The following NTM variants were observed in gnomAD, a reference collection of about 807,000 sequenced individuals.
NTM encodes neurotrimin, also known as IgLON family member 2.
In NTM, 13 loss-of-function variants were observed where a neutral mutation model predicts 42.1. The ratio of observed to expected loss-of-function variants is 0.31; its 90% CI spans 0.20 to 0.49. NTM has a LOEUF of 0.49. NTM is among the 20% of genes least tolerant of loss of function. The pLI, the probability that NTM is intolerant of heterozygous loss-of-function variation, is 0.99. For synonymous variants in NTM, 187 were observed against 179.2 expected (o/e 1.04, Z -0.35); for missense variants, 373 against 452.8 (o/e 0.82, Z 1.60).
chr11:131,455,406 C>T (rs1950802678), intron 1 of NTM: 1 of 152,278 alleles, frequency 6.6e-6, no homozygotes, highest in African/African-American at 2.4e-5. Flanking sequence ...CAAGTTCTGG[C>T]TTCAAGCGCT....
intron 2 of NTM, among the ~76,000 whole-genome samples, chr11:132,023,933 C>T (rs1281153006): frequency 6.6e-6 from 1 of 151,970 alleles, no homozygotes; most frequent in Non-Finnish European, 1.5e-5. Context: ...ATTCTCCTGC[C>T]TCAGCCTCCC....
At chr11:131,878,398 C>A (rs2048845425) in intron 1 of NTM, among the ~76,000 whole-genome samples, 1 of 150,884 alleles carries the variant, frequency 6.6e-6, no homozygotes, top group South Asian at 2.1e-4. Flanking sequence ...TGGTGAAACA[C>A]CGTCTGTATT....
chr11:131,683,252 G>A (rs1195103983), intron 1 of NTM, among the ~76,000 whole-genome samples: 1 of 152,216 alleles, frequency 6.6e-6, no homozygotes, highest in East Asian at 1.9e-4. Flanking sequence ...CCCTGGCTTT[G>A]TTTCTCTGGT....
At chr11:131,960,188 A>G (rs1264422870) in intron 2 of NTM, among the ~76,000 whole-genome samples, 1 of 152,172 alleles carries the variant, frequency 6.6e-6, no homozygotes, top group East Asian at 1.9e-4. Context: ...CAAGAAGTAC[A>G]AGCTCGAGGG....
chr11:132,240,244 C>G (rs1486815465), intron 4 of NTM, among the ~76,000 whole-genome samples: 1 of 152,200 alleles, frequency 6.6e-6, no homozygotes, highest in African/African-American at 2.4e-5. Flanking sequence ...TTTTGTGATA[C>G]CATTTGGTGG....
chr11:131,589,920 T>G (rs1232158867), intron 1 of NTM, among the ~76,000 whole-genome samples: 1 of 152,144 alleles, frequency 6.6e-6, no homozygotes, highest in Non-Finnish European at 1.5e-5. Flanking sequence ...AGAATATTTC[T>G]TCTGCGCTAA....
chr11:131,972,695 T>C (rs2063733621), intron 2 of NTM, among the ~76,000 whole-genome samples: 1 of 152,218 alleles, frequency 6.6e-6, no homozygotes, highest in African/African-American at 2.4e-5. Flanking sequence ...CCCCGCATAA[T>C]GTGGCTCTCT....
chr11:132,102,247 CT>C (rs1225562631), intron 2 of NTM, among the ~76,000 whole-genome samples: 1 of 152,194 alleles, frequency 6.6e-6, no homozygotes, highest in Non-Finnish European at 1.5e-5. Context: ...TATACATATA[CT>C]TTTTTATGCA....
At chr11:131,607,105 G>C (rs1162917066) in intron 1 of NTM, among the ~76,000 whole-genome samples, 1 of 152,198 alleles carries the variant, frequency 6.6e-6, no homozygotes, top group African/African-American at 2.4e-5. Flanking sequence ...GATAGCTTTT[G>C]AGCAGCTAAA....
intron 1 of NTM, among the ~76,000 whole-genome samples, chr11:131,429,252 G>A (rs1016900594): frequency 6.6e-6 from 1 of 152,158 alleles, no homozygotes; most frequent in African/African-American, 2.4e-5. Context: ...TGCCAAGGGA[G>A]GGGGTAGCTG....
chr11:131,873,652 CACATATATATACACAT>C (rs576128194), intron 1 of NTM, among the ~76,000 whole-genome samples: 6,846 of 120,868 alleles, frequency 0.057, 381 homozygotes, highest in Non-Finnish European at 0.072. Context: ...TATATATACA[CACATATATATACACAT>C]ATATATATAC....
chr11:131,732,209 A>G (rs2079790080), intron 1 of NTM, among the ~76,000 whole-genome samples: 1 of 152,230 alleles, frequency 6.6e-6, no homozygotes, highest in African/African-American at 2.4e-5. Flanking sequence ...GTTACTTACT[A>G]ACCCAATTTG....
At chr11:132,051,092 C>T (rs1184525288) in intron 2 of NTM, among the ~76,000 whole-genome samples, 2 of 152,178 alleles carry the variant, frequency 1.3e-5, no homozygotes, top group African/African-American at 4.8e-5. Flanking sequence ...AGATACATGT[C>T]AGTTTGAATT....
chr11:131,886,899 C>T (rs555448037), intron 1 of NTM, among the ~76,000 whole-genome samples: 2 of 152,194 alleles, frequency 1.3e-5, no homozygotes, highest in African/African-American at 2.4e-5. Flanking sequence ...GCCTACTGTG[C>T]GTTAGGCACT....
chr11:131,669,299 G>A (rs1325745406), intron 1 of NTM, among the ~76,000 whole-genome samples: 1 of 152,184 alleles, frequency 6.6e-6, no homozygotes, highest in Non-Finnish European at 1.5e-5. Flanking sequence ...TCAGGCTCTG[G>A]AATCAGCCAA....
chr11:131,561,942 AAG>A (rs2056286086), intron 1 of NTM, among the ~76,000 whole-genome samples: 1 of 152,242 alleles, frequency 6.6e-6, no homozygotes, highest in African/African-American at 2.4e-5. Context: ...GTCCTATTTA[AAG>A]AGAGAAGAGG....
intron 4 of NTM, among the ~76,000 whole-genome samples, chr11:132,287,199 G>T (rs1017106173): frequency 2.0e-5 from 3 of 152,208 alleles, no homozygotes; most frequent in Non-Finnish European, 4.4e-5. Context: ...CCTGGTGGGT[G>T]TAAAGCTGAG....
At chr11:131,789,518 GAAGAAGAAGAAGAAGAAGAAGAAGAA>G (rs2090179417) in intron 1 of NTM, among the ~76,000 whole-genome samples, 2 of 18,684 alleles carry the variant, frequency 1.1e-4, no homozygotes, top group African/African-American at 5.6e-4. Flanking sequence ...AGAAGAAGAA[GAAGAAGAAGAAGAAGAAGAAGAAGAA>G]GAAAAGAAGA....
intron 1 of NTM, among the ~76,000 whole-genome samples, chr11:131,825,188 A>G (rs191769322): frequency 5.3e-5 from 8 of 152,238 alleles, no homozygotes; most frequent in Admixed American, 4.6e-4. Flanking sequence ...CTTCATCTTC[A>G]CAAGGTGTTC....
Sources: gnomAD v4.1 joint callset for allele counts (sites outside exome capture counted in the v4.1 genomes callset) on GRCh38, gnomAD v4.1.1 for gene constraint, MANE v1.5 for transcripts, NCBI Gene and HGNC (gene_info 2026-07-23, HGNC 2026-07-21) for gene names.